THADA: variants seen among roughly 807,000 people sequenced by gnomAD.
The protein encoded by THADA is tRNA (32-2'-O)-methyltransferase regulator THADA.
A neutral mutation model predicts 219.8 loss-of-function variants in THADA; 213 were observed. The observed-to-expected ratio is 0.97, with a 90% CI of 0.87 to 1.09. The LOEUF (loss-of-function observed/expected upper bound fraction) is 1.09, where lower values mean the gene tolerates loss of function less well. Ranked by LOEUF, THADA falls within the 50% of genes least tolerant of loss-of-function variation. THADA has a pLI of 0.00. For missense variants in THADA, 2,956 were observed against 2,311.3 expected (o/e 1.28, Z -5.72); for synonymous variants, 1,018 against 828.9 (o/e 1.23, Z -3.92).
chr2:43,283,911 G>A (rs1030722569), intron 35 of THADA, among the ~76,000 whole-genome samples: 5 of 152,228 alleles, frequency 3.3e-5, no homozygotes, highest in Admixed American at 6.5e-5. Context: ...AGGTGCAGTG[G>A]CTCATGCCTA....
intron 3 of THADA, 59 bp downstream of exon 3, chr2:43,591,893 A>C: frequency 8.6e-7 from 1 of 1,163,716 alleles, no homozygotes; most frequent in Non-Finnish European, 1.1e-6. Context: ...GATTTTTTTT[A>C]AATCCTTAAT....
At chr2:43,592,292 A>G (rs1203478970) in intron 2 of THADA, 25 bp downstream of exon 2, 2 of 1,555,052 alleles carry the variant, frequency 1.3e-6, no homozygotes, top group East Asian at 4.5e-5. Context: ...AAAAAATATA[A>G]TAAGGGAAAC....
At chr2:43,325,870 TTTTTTC>T (rs1679265181) in intron 30 of THADA, among the ~76,000 whole-genome samples, 1 of 152,218 alleles carries the variant, frequency 6.6e-6, no homozygotes, top group Admixed American at 6.5e-5. Context: ...CTGGTCTAGC[TTTTTTC>T]TTTTTCTTTT....
At chr2:43,319,497 T>G (rs1359391327) in intron 31 of THADA, among the ~76,000 whole-genome samples, 1 of 152,046 alleles carries the variant, frequency 6.6e-6, no homozygotes, top group African/African-American at 2.4e-5. Flanking sequence ...GGTGAGACGG[T>G]TTTGCATGCT....
chr2:43,460,185 A>G (rs893506008), intron 26 of THADA, among the ~76,000 whole-genome samples: 1 of 150,572 alleles, frequency 6.6e-6, no homozygotes, highest in African/African-American at 2.4e-5. Context: ...CATTTAATGA[A>G]TACTTACTTG....
intron 20 of THADA, among the ~76,000 whole-genome samples, chr2:43,546,837 T>C (rs1696095766): frequency 2.0e-5 from 3 of 152,248 alleles, no homozygotes; most frequent in Non-Finnish European, 4.4e-5. Context: ...TTTGCCAGCC[T>C]GTGTCTTTCA....
chr2:43,531,948 C>T (rs2103754175), intron 21 of THADA, among the ~76,000 whole-genome samples: 1 of 151,280 alleles, frequency 6.6e-6, no homozygotes, highest in East Asian at 1.9e-4. Context: ...ACCCAATAGG[C>T]AAACATCACA....
In THADA at chr2:43,580,599, G is replaced by A. The variant is rs530742034; in HGVS notation, c.721+1142C>T. ...CCAGGGTTAAAAACACAAACAATGA[G>A]GCCAGGCGCGGTGGCTCACACCTGA... On this transcript the variant is annotated intron_variant, in intron 8 of 37. Transcript: ENST00000405975. Among the ~76,000 whole-genome samples, 4 of 152,140 alleles carry A rather than the reference G, an allele frequency of 2.6e-5. No individual in the cohort carries two copies. The South Asian group carries it at 6.2e-4, about 24-fold the overall frequency.
intron 36 of THADA, among the ~76,000 whole-genome samples, chr2:43,256,740 C>T (rs902900396): frequency 1.3e-5 from 2 of 151,598 alleles, no homozygotes; most frequent in African/African-American, 4.9e-5. Context: ...CATCAAGCCC[C>T]CCTAATTTTC....
At chr2:43,520,533 CA>C (rs1692270531) in intron 22 of THADA, among the ~76,000 whole-genome samples, 2 of 151,900 alleles carry the variant, frequency 1.3e-5, no homozygotes, top group South Asian at 4.2e-4. Flanking sequence ...ACAAAAAATA[CA>C]AAGAAATTAG....
At chr2:43,580,339 G>A (rs1700302721) in intron 8 of THADA, among the ~76,000 whole-genome samples, 2 of 151,956 alleles carry the variant, frequency 1.3e-5, no homozygotes, top group South Asian at 2.1e-4. Context: ...ACACCCGGCC[G>A]AAGTTACCTC....
At chr2:43,477,283 T>A (rs1399239700) in intron 26 of THADA, among the ~76,000 whole-genome samples, 1 of 152,070 alleles carries the variant, frequency 6.6e-6, no homozygotes, top group Non-Finnish European at 1.5e-5. Context: ...AGAGAGAATC[T>A]CCATGGTCAA....
intron 3 of THADA, among the ~76,000 whole-genome samples, chr2:43,591,373 C>T (rs903002974): frequency 6.6e-6 from 1 of 152,068 alleles, no homozygotes; most frequent in African/African-American, 2.4e-5. Context: ...GTTTTCCATA[C>T]TCCACTGTCA....
At position 43,230,974 on chromosome 2, in the gene THADA, G is replaced by A; in HGVS notation, c.5836C>T (p.Leu1946Phe). 1.9e-6 allele frequency: 3 copies of A among 1,612,464 alleles called. No individual in the cohort carries two copies. The highest frequency in any genetic ancestry group is 2.5e-6 in the Non-Finnish European group (3 of 1,178,656). Residue 1946 changes from leucine (L) to phenylalanine (F), a missense_variant, in exon 38 of 38, where the codon CTT (leucine) becomes TTT (phenylalanine). Leu to Phe is a conservative substitution (Grantham distance 22). Transcript: ENST00000405975. ...DSYAESRQLT[L>F]PRTEAAC Reference sequence around the variant, plus strand: ...CAACATGCCGCTTCTGTTCTTGGAAGAGTTAACTGCCTCGATTCTGCATAA... The same window carrying A: ...CAACATGCCGCTTCTGTTCTTGGAAAAGTTAACTGCCTCGATTCTGCATAA...
At chr2:43,546,168 A>G (rs1486668571) in intron 20 of THADA, among the ~76,000 whole-genome samples, 3 of 151,254 alleles carry the variant, frequency 2.0e-5, no homozygotes, top group Non-Finnish European at 4.4e-5. Context: ...TTCAGTTTCC[A>G]TGTAGTTGAG....
At chr2:43,288,847 A>G (rs1351618431) in intron 34 of THADA, among the ~76,000 whole-genome samples, 1 of 152,208 alleles carries the variant, frequency 6.6e-6, no homozygotes, top group Non-Finnish European at 1.5e-5. Context: ...CAATGCAGTG[A>G]ACTCTGGTAT....
chr2:43,270,566 A>G, intron 36 of THADA, among the ~76,000 whole-genome samples: 1 of 152,186 alleles, frequency 6.6e-6, no homozygotes, highest in East Asian at 1.9e-4. Context: ...TCCCTGTCTC[A>G]GAGAGGATCT....
At chr2:43,260,022 C>T (rs1670761891) in intron 36 of THADA, among the ~76,000 whole-genome samples, 2 of 152,262 alleles carry the variant, frequency 1.3e-5, no homozygotes, top group East Asian at 3.9e-4. Context: ...CTCGCTCTGT[C>T]GTCCAGGCTG....
chr2:43,517,521 C>G lies in THADA; in HGVS notation c.3375-8741G>C, dbSNP rs537587139. 1.7e-3 allele frequency among the ~76,000 whole-genome samples: 266 copies of G among 152,248 alleles called. 1 individual carries two copies. The highest frequency in any genetic ancestry group is 6.1e-3 in the African/African-American group (253 of 41,558). On this transcript the variant is annotated intron_variant, in intron 22 of 37. Coordinates refer to ENST00000405975, the MANE Select transcript of THADA (RefSeq NM_022065.5). ...AAATCCTTTCCCTTTCCCATAAACA[C>G]AGACTTTCACTTTGTTAGGTTAAAG...
Sources: allele counts gnomAD v4.1 joint callset (sites outside exome capture counted in the v4.1 genomes callset), GRCh38; gene constraint gnomAD v4.1.1; transcripts MANE v1.5; gene names NCBI Gene and HGNC (gene_info 2026-07-23, HGNC 2026-07-21).